CBL: variants seen among roughly 807,000 people sequenced by gnomAD.
The protein encoded by CBL is Cbl proto-oncogene.
A neutral mutation model predicts 96.9 loss-of-function variants in CBL; 45 were observed. The observed-to-expected ratio is 0.46, with a 90% CI of 0.37 to 0.60. CBL has a LOEUF of 0.60. Among genes scored for constraint, CBL ranks in the 20% least tolerant of loss-of-function variants. The pLI, the probability that CBL is intolerant of heterozygous loss-of-function variation, is 0.00. For missense variants in CBL, 1,024 were observed against 1,143.5 expected (o/e 0.90, Z 1.51); for synonymous variants, 420 against 426.8 (o/e 0.98, Z 0.20).
At chr11:119,214,601 A>G (rs1016588875) in intron 1 of CBL, among the ~76,000 whole-genome samples, 1 of 152,234 alleles carries the variant, frequency 6.6e-6, no homozygotes, top group Non-Finnish European at 1.5e-5. Flanking sequence ...GTATTATTCA[A>G]TCAAATATCT....
rs886041313 is a variant in CBL at position 119,278,633 on chromosome 11, C to G, written c.1351C>G (p.Pro451Ala). The change falls in exon 9 of 16, where the codon CCC becomes GCC. Residue 451 changes from proline (P) to alanine (A), a missense_variant. Physicochemically the swap from Pro to Ala is conservative, Grantham distance 27. Transcript: ENST00000264033. Reference sequence around the variant, plus strand: ...GTTGAGGCAAGGAGCAGAGGGAGCTCCCTCCCCAAATTATGATGATGATGA... The same window carrying G: ...GTTGAGGCAAGGAGCAGAGGGAGCTGCCTCCCCAAATTATGATGATGATGA... ...SLLRQGAEGA[P>A]SPNYDDDDDE... 4 of 1,613,964 alleles carry G rather than the reference C, an allele frequency of 2.5e-6. No homozygotes were observed. The highest frequency in any genetic ancestry group is 3.4e-6 in the Non-Finnish European group (4 of 1,179,960).
In CBL at chr11:119,232,726, G is replaced by A. The variant is rs750062208; in HGVS notation, c.443+31G>A. 16 of 1,606,912 alleles carry A rather than the reference G, an allele frequency of 1.0e-5. No homozygotes were observed. The South Asian group carries it at 1.8e-4, about 18-fold the overall frequency. On this transcript the variant is annotated intron_variant, in intron 2 of 15. Coordinates refer to ENST00000264033, the MANE Select transcript of CBL (RefSeq NM_005188.4). ...GGAGAAATACTACACAAATAATTAT[G>A]CAGGTCTGTGACTGCCTGAATGGGT...
At chr11:119,281,872 G>T (rs1352325362) in intron 9 of CBL, among the ~76,000 whole-genome samples, 1 of 152,086 alleles carries the variant, frequency 6.6e-6, no homozygotes, top group Non-Finnish European at 1.5e-5. Flanking sequence ...TTTGTTTGTT[G>T]TGGGTTTCCT....
chr11:119,247,765 T>A (rs1949643430), intron 2 of CBL, among the ~76,000 whole-genome samples: 1 of 152,176 alleles, frequency 6.6e-6, no homozygotes, highest in Non-Finnish European at 1.5e-5. Flanking sequence ...TGAGTCGAGA[T>A]CATGCCACTG....
chr11:119,302,783 G>T lies in CBL; in HGVS notation c.*3002G>T, dbSNP rs1950110523. 4.3e-6 allele frequency: 1 copy of T among 230,860 alleles called. No homozygotes were observed. Among genetic ancestry groups the T allele is most frequent in the Non-Finnish European group, 8.6e-6 (1 of 116,566 alleles). The allele number at this position is 230,860 out of a possible 1,614,324, so 14.3% of individuals were successfully genotyped here. A position where few individuals can be genotyped will look rare whatever the true frequency, so the allele number is the denominator to read the frequency against. On this transcript the variant is annotated 3_prime_UTR_variant, in exon 16 of 16. Transcript: ENST00000264033. The stretch of plus-strand genomic sequence containing the variant: ...TCCCTTTAGTTAAGTAATAGACCAG[G>T]CAGCTTCTCATCTCAGCATTTACCT...
Position 119,276,121 on chromosome 11 carries a change from T to G in CBL, c.994T>G (p.Phe332Val). Residue 332 changes from phenylalanine (F) to valine (V), a missense_variant, in exon 6 of 16, where the codon TTC becomes GTC. Transcript: ENST00000264033. ...TCTCTTCCAAGCACTGATTGATGGCTTCAGGGAAGGCTTGTGAGTACCTAC... is the reference window on the plus strand; with the variant it reads ...TCTCTTCCAAGCACTGATTGATGGCGTCAGGGAAGGCTTGTGAGTACCTAC... ...KPLFQALIDGFREGFYLFPDG... is the reference protein window; with the variant it reads ...KPLFQALIDGVREGFYLFPDG... 1 of 1,614,128 alleles carries G rather than the reference T, an allele frequency of 6.2e-7. No individual in the cohort carries two copies. Among genetic ancestry groups the G allele is most frequent in the South Asian group, 1.1e-5 (1 of 91,080 alleles).
At chr11:119,286,173 G>T (rs572366030) in intron 11 of CBL, among the ~76,000 whole-genome samples, 32 of 152,198 alleles carry the variant, frequency 2.1e-4, no homozygotes, top group Non-Finnish European at 3.1e-4. Context: ...GGTGGTGGGT[G>T]TCTGTAATTC....
intron 1 of CBL, among the ~76,000 whole-genome samples, chr11:119,223,518 C>T (rs976791945): frequency 6.6e-6 from 1 of 151,750 alleles, no homozygotes; most frequent in Non-Finnish European, 1.5e-5. Flanking sequence ...CAAACTCCAT[C>T]TCCCAGGTTC....
intron 2 of CBL, among the ~76,000 whole-genome samples, chr11:119,266,600 GAGAAA>G (rs1949804735): frequency 6.6e-6 from 1 of 151,960 alleles, no homozygotes; most frequent in Non-Finnish European, 1.5e-5. Flanking sequence ...CTGAGGTAGA[GAGAAA>G]AGAAATGACA....
chr11:119,239,174 T>C (rs1313726358), intron 2 of CBL, among the ~76,000 whole-genome samples: 1 of 152,156 alleles, frequency 6.6e-6, no homozygotes, highest in Non-Finnish European at 1.5e-5. Context: ...TTTCGTCGTG[T>C]TGCCCATGCC....
chr11:119,292,816 T>TA (rs1471089047), intron 12 of CBL, among the ~76,000 whole-genome samples: 1 of 152,034 alleles, frequency 6.6e-6, no homozygotes, highest in African/African-American at 2.4e-5. Flanking sequence ...TTTGTGTAGA[T>TA]ACGGGGTTTT....
chr11:119,257,505 G>A (rs895125229), intron 2 of CBL, among the ~76,000 whole-genome samples: 1 of 152,132 alleles, frequency 6.6e-6, no homozygotes, highest in African/African-American at 2.4e-5. Flanking sequence ...ATAGATTCTG[G>A]ATATTAGACC....
chr11:119,209,985 T>C (rs1949303915), intron 1 of CBL, among the ~76,000 whole-genome samples: 1 of 152,172 alleles, frequency 6.6e-6, no homozygotes, highest in South Asian at 2.1e-4. Context: ...GTAATAAACA[T>C]GTGCATAAAT....
chr11:119,297,458 C>G lies in CBL; in HGVS notation c.2228C>G (p.Ser743Cys). The G allele has an allele frequency of 1.2e-6, 2 of 1,613,012 alleles. No individual in the cohort carries two copies. Among genetic ancestry groups the G allele is most frequent in the Non-Finnish European group, 1.7e-6 (2 of 1,179,360 alleles). ...AMYNIQSQAP[S>C]ITESSTFGEG... ...TATAATATTCAGTCCCAGGCGCCAT[C>G]TATCACCGAGAGCAGCACCTTTGGT... The change falls in exon 14 of 16, where the codon TCT becomes TGT. Residue 743 changes from serine (S) to cysteine (C), a missense_variant. Coordinates refer to ENST00000264033, the MANE Select transcript of CBL (RefSeq NM_005188.4).
In CBL at chr11:119,304,999, C is replaced by T. The variant is rs903696668; in HGVS notation, c.*5218C>T. ...AAGTATCTATCTCTGAGCAGTTGGC[C>T]TTGCCAGGGAGAGCAGAGATGTGGC... is the stretch of plus-strand genomic sequence containing the variant. On this transcript the variant is annotated 3_prime_UTR_variant, in exon 16 of 16. Coordinates refer to ENST00000264033, the MANE Select transcript of CBL (RefSeq NM_005188.4). 7 of 211,022 alleles carry T rather than the reference C, an allele frequency of 3.3e-5. No homozygotes were observed. Among genetic ancestry groups the T allele is most frequent in the Admixed American group, 1.2e-4 (2 of 16,972 alleles). 13.1% of individuals were successfully genotyped at this position (211,022 alleles called of 1,614,324 possible). A position where few individuals can be genotyped will look rare whatever the true frequency, so the allele number is the denominator to read the frequency against.
At chr11:119,216,166 G>C (rs1273545043) in intron 1 of CBL, among the ~76,000 whole-genome samples, 1 of 152,110 alleles carries the variant, frequency 6.6e-6, no homozygotes, top group Non-Finnish European at 1.5e-5. Context: ...AGTGAGTCGT[G>C]TGTAACAGCC....
At chr11:119,225,861 A>G (rs1949454846) in intron 1 of CBL, among the ~76,000 whole-genome samples, 1 of 149,704 alleles carries the variant, frequency 6.7e-6, no homozygotes, top group African/African-American at 2.5e-5. Context: ...CCGAGTAGCT[A>G]GGATTACCGG....
intron 1 of CBL, among the ~76,000 whole-genome samples, chr11:119,212,383 T>C (rs1035980850): frequency 1.1e-4 from 17 of 151,896 alleles, no homozygotes; most frequent in African/African-American, 3.6e-4. Context: ...CCCAGCACTT[T>C]GGGAGGCTGA....
intron 1 of CBL, among the ~76,000 whole-genome samples, chr11:119,216,490 G>A (rs189344107): frequency 6.6e-6 from 1 of 152,082 alleles, no homozygotes; most frequent in African/African-American, 2.4e-5. Flanking sequence ...TCCTGCCTCA[G>A]TCTCCCTTGT....
Sources: allele counts gnomAD v4.1 joint callset (sites outside exome capture counted in the v4.1 genomes callset), GRCh38; gene constraint gnomAD v4.1.1; transcripts MANE v1.5; gene names NCBI Gene and HGNC (gene_info 2026-07-23, HGNC 2026-07-21).